GLYR1: variants seen among roughly 807,000 people sequenced by gnomAD.
The protein encoded by GLYR1 is glyoxylate reductase 1 homolog.
GLYR1 carries 21 observed loss-of-function variants against 72.7 expected under a neutral mutation model. The ratio of observed to expected loss-of-function variants is 0.29; its 90% CI spans 0.20 to 0.42. The LOEUF (loss-of-function observed/expected upper bound fraction) is 0.42. Among genes scored for constraint, GLYR1 ranks in the 10% least tolerant of loss-of-function variants. The pLI is 1.00. For missense variants in GLYR1, 594 were observed against 712.1 expected, an observed-to-expected ratio of 0.83 and a Z score of 1.89; for synonymous variants, 392 against 270.2, an observed-to-expected ratio of 1.45 and a Z score of -4.42.
chr16:4,837,509 C>T (rs989503252), intron 3 of GLYR1, among the ~76,000 whole-genome samples: 7 of 151,854 alleles, frequency 4.6e-5, no homozygotes, highest in African/African-American at 1.5e-4. Context: ...TGAACGCTGT[C>T]ACATGTGTTT....
At chr16:4,807,837 C>G (rs1162178780) in intron 15 of GLYR1, among the ~76,000 whole-genome samples, 2 of 152,182 alleles carry the variant, frequency 1.3e-5, no homozygotes, top group Admixed American at 6.5e-5. Flanking sequence ...CAGAGAGAAT[C>G]CACTGGTAGA....
intron 3 of GLYR1, chr16:4,839,944 C>T (rs2085424761): frequency 6.6e-6 from 1 of 152,186 alleles, no homozygotes; most frequent in Non-Finnish European, 1.5e-5. Flanking sequence ...GGGTCAGACC[C>T]TATCCACCTG....
chr16:4,828,764 T>C (rs1407371244), intron 5 of GLYR1, among the ~76,000 whole-genome samples: 1 of 152,094 alleles, frequency 6.6e-6, no homozygotes, highest in Non-Finnish European at 1.5e-5. Flanking sequence ...ACTGTTGTAA[T>C]TCCTAACGAT....
At chr16:4,806,786 G>T (rs896826038) in intron 15 of GLYR1, among the ~76,000 whole-genome samples, 4 of 151,552 alleles carry the variant, frequency 2.6e-5, no homozygotes, top group African/African-American at 4.8e-5. Flanking sequence ...ATAGATAAAT[G>T]AAACTGGAAT....
chr16:4,809,237 T>G lies in GLYR1; in HGVS notation c.1587+1933A>C, dbSNP rs1180924794. On this transcript the variant is annotated intron_variant, in intron 15 of 15. Transcript: ENST00000321919. ...TGGAGTCTCACTCTGTTGCCCAGGC[T>G]GGAGTGCAGTGGTGCGATCTAGGCT... Among the ~76,000 whole-genome samples the G allele has an allele frequency of 1.7e-4, 24 of 139,784 alleles. 1 individual carries two copies. The Admixed American group carries it at 1.8e-3, about 10-fold the overall frequency. The allele number at this position is 139,784 out of a possible 152,430, so 91.7% of individuals were successfully genotyped here.
At chr16:4,846,522 T>G in intron 1 of GLYR1, 3 of 330,124 alleles carry the variant, frequency 9.1e-6, no homozygotes, top group Non-Finnish European at 1.8e-5. Context: ...TTTCCCTCCC[T>G]AAGTCTGGTT....
chr16:4,820,355 T>C lies in GLYR1; in HGVS notation c.806+1025A>G, dbSNP rs570843429. On this transcript the variant is annotated intron_variant, in intron 9 of 15. Coordinates refer to ENST00000321919, the MANE Select transcript of GLYR1 (RefSeq NM_032569.4). Reference sequence around the variant, plus strand: ...CACTGTGTCTCAGACAAAATGGAAATGTGGATTAAGGTGGGTTGGGCAACA... The same window carrying C: ...CACTGTGTCTCAGACAAAATGGAAACGTGGATTAAGGTGGGTTGGGCAACA... Among the ~76,000 whole-genome samples the C allele has an allele frequency of 2.6e-5, 4 of 152,274 alleles. No individual in the cohort carries two copies. The East Asian group carries it at 5.8e-4, about 22-fold the overall frequency.
chr16:4,833,317 G>C (rs2084914182), intron 3 of GLYR1: 1 of 156,572 alleles, frequency 6.4e-6, no homozygotes, highest in Admixed American at 6.5e-5. Flanking sequence ...ACAGATCCCT[G>C]GGAATCAGGG....
chr16:4,805,251 T>G lies in GLYR1; in HGVS notation c.1647A>C (p.Arg549=). 1 of 1,613,990 alleles carries G rather than the reference T, an allele frequency of 6.2e-7. No individual in the cohort carries two copies. The highest frequency in any genetic ancestry group is 1.3e-5 in the African/African-American group (1 of 75,018). The change falls in exon 16 of 16, where the codon CGA becomes CGC. Residue 549 remains arginine (R), a synonymous_variant. Transcript: ENST00000321919. Reference sequence around the variant, plus strand: ...TGTCGACAGCTTAGTGTATGTAGGCTCGGTACACGGCGGACATATCGTTGT... The same window carrying G: ...TGTCGACAGCTTAGTGTATGTAGGCGCGGTACACGGCGGACATATCGTTGT... ...QSDNDMSAVY[R]AYIH
chr16:4,813,318 G>A (rs558650895), intron 12 of GLYR1, among the ~76,000 whole-genome samples: 1 of 152,262 alleles, frequency 6.6e-6, no homozygotes, highest in South Asian at 2.1e-4. Flanking sequence ...CAATGGCTCG[G>A]CTGAACACAC....
At chr16:4,841,011 CCA>C (rs2085507264) in intron 3 of GLYR1, among the ~76,000 whole-genome samples, 1 of 152,180 alleles carries the variant, frequency 6.6e-6, no homozygotes, top group African/African-American at 2.4e-5. Flanking sequence ...CACATTAGTA[CCA>C]CAGTGACTTC....
At position 4,823,848 on chromosome 16, in the gene GLYR1, C is replaced by T. The variant is rs768239494; in HGVS notation, c.597G>A (p.Ala199=). 3.5e-5 allele frequency: 56 copies of T among 1,613,990 alleles called. No individual in the cohort carries two copies. In the Middle Eastern group the frequency reaches 5.0e-4, roughly 14 times the overall value. The change falls in exon 6 of 16, where the codon GCG becomes GCA. Residue 199 remains alanine, a synonymous_variant. Coordinates refer to ENST00000321919, the MANE Select transcript of GLYR1 (RefSeq NM_032569.4). The part of the protein sequence containing the change: ...VKGMMAGPMA[A]FKWQPTASEP... ...CGCTTGCGGTTGGCTGCCATTTAAA[C>T]GCGGCCATCGGTCCGGCCATCATCC...
At chr16:4,826,798 T>G (rs1486481496) in intron 5 of GLYR1, among the ~76,000 whole-genome samples, 2 of 152,170 alleles carry the variant, frequency 1.3e-5, no homozygotes, top group Non-Finnish European at 1.5e-5. Context: ...TAATTTCAAT[T>G]TAAATGGCCA....
chr16:4,811,570 A>G (rs1279592846), intron 14 of GLYR1, 53 bp downstream of exon 14: 10 of 1,598,642 alleles, frequency 6.3e-6, no homozygotes, highest in Non-Finnish European at 8.5e-6. Context: ...CTGACCTAGT[A>G]CCCTGCTCTA....
Position 4,823,885 on chromosome 16 carries a change from C to G in GLYR1, c.560G>C (p.Ser187Thr). The G allele has an allele frequency of 6.8e-6, 11 of 1,614,100 alleles. No homozygotes were observed. Among genetic ancestry groups the G allele is most frequent in the Non-Finnish European group, 8.5e-6 (10 of 1,180,006 alleles). ...TCCGGCCATCATCCCCTTCACGGTA[C>G]TAGACTCCGGGATGGTGAGATCCTA... ...DEKDLTIPES[S>T]TVKGMMAGPM... is the part of the protein sequence containing the mutation. The change falls in exon 6 of 16, where the codon AGT becomes ACT. Residue 187 changes from serine (S) to threonine (T), a missense_variant. Transcript: ENST00000321919.
chr16:4,843,649 A>T (rs1254783430), intron 3 of GLYR1: 1 of 1,287,576 alleles, frequency 7.8e-7, no homozygotes, highest in Non-Finnish European at 1.0e-6. Context: ...AAACTCCTGG[A>T]TGAGTGAAGA....
intron 3 of GLYR1, among the ~76,000 whole-genome samples, chr16:4,842,565 T>C (rs1008052022): frequency 2.0e-5 from 3 of 152,070 alleles, no homozygotes; most frequent in African/African-American, 7.2e-5. Context: ...CTTGCTATGT[T>C]GTCCAGGCTG....
At chr16:4,836,469 T>C (rs1421902834) in intron 3 of GLYR1, among the ~76,000 whole-genome samples, 1 of 152,198 alleles carries the variant, frequency 6.6e-6, no homozygotes, top group African/African-American at 2.4e-5. Flanking sequence ...TCAAGCTTAT[T>C]CAAGCTGTAT....
chr16:4,847,101 A>G, intron 1 of GLYR1, 127 bp downstream of exon 1: 6 of 884,434 alleles, frequency 6.8e-6, no homozygotes, highest in Non-Finnish European at 8.8e-6. Flanking sequence ...AAGCGCCGGC[A>G]CCTTCTCTTC....
Sources: allele counts gnomAD v4.1 joint callset (sites outside exome capture counted in the v4.1 genomes callset), GRCh38; gene constraint gnomAD v4.1.1; transcripts MANE v1.5; gene names NCBI Gene and HGNC (gene_info 2026-07-23, HGNC 2026-07-21).